ELMO1: variants seen among roughly 807,000 people sequenced by gnomAD.
ELMO1 encodes engulfment and cell motility 1.
ELMO1 carries 26 observed loss-of-function variants against 98.9 expected under a neutral mutation model. That is an observed-to-expected ratio of 0.26 (90% CI 0.19 to 0.36). The LOEUF is 0.36. Among genes scored for constraint, ELMO1 ranks in the 10% least tolerant of loss-of-function variants. The probability of loss-of-function intolerance (pLI) is 1.00; values close to 1 mark genes in which losing one functional copy is unlikely to be tolerated. For synonymous variants in ELMO1, 346 were observed against 346.0 expected (o/e 1.00, Z 0.00); for missense variants, 627 against 935.2 (o/e 0.67, Z 4.30).
intron 1 of ELMO1, among the ~76,000 whole-genome samples, chr7:37,403,556 A>G (rs778669180): frequency 7.0e-6 from 1 of 142,422 alleles, no homozygotes; most frequent in Non-Finnish European, 1.5e-5. Flanking sequence ...TTATTTATTT[A>G]TCTTTAAGAC....
intron 16 of ELMO1, among the ~76,000 whole-genome samples, chr7:36,923,764 T>A (rs965132336): frequency 6.6e-6 from 1 of 152,160 alleles, no homozygotes; most frequent in African/African-American, 2.4e-5. Context: ...AACTATAATA[T>A]ACTACAGGTA....
At chr7:37,006,784 A>G (rs1333546204) in intron 16 of ELMO1, among the ~76,000 whole-genome samples, 1 of 152,190 alleles carries the variant, frequency 6.6e-6, no homozygotes, top group East Asian at 1.9e-4. Context: ...TGCTTCCCTG[A>G]CTTGGCCAGG....
chr7:37,092,744 A>T (rs1784179416), intron 15 of ELMO1, among the ~76,000 whole-genome samples: 1 of 152,084 alleles, frequency 6.6e-6, no homozygotes, highest in Non-Finnish European at 1.5e-5. Flanking sequence ...AACTGCGTGC[A>T]GCACAGTTCC....
chr7:37,212,796 C>T (rs1285269405), intron 12 of ELMO1, among the ~76,000 whole-genome samples: 3 of 152,180 alleles, frequency 2.0e-5, no homozygotes, highest in Non-Finnish European at 4.4e-5. Context: ...CAGCAAAGGT[C>T]CCCAAAGCCT....
chr7:37,382,488 G>C (rs184571524), intron 1 of ELMO1, among the ~76,000 whole-genome samples: 22 of 152,204 alleles, frequency 1.4e-4, no homozygotes, highest in Admixed American at 1.2e-3. Context: ...GCAGAAACAG[G>C]ACATGCTCTT....
chr7:37,210,435 A>T (rs1184920510), intron 13 of ELMO1, among the ~76,000 whole-genome samples: 1 of 151,934 alleles, frequency 6.6e-6, no homozygotes, highest in African/African-American at 2.4e-5. Context: ...TAACACATAA[A>T]GCATGATACC....
chr7:37,363,704 G>A (rs913378464), intron 1 of ELMO1, among the ~76,000 whole-genome samples: 1 of 152,092 alleles, frequency 6.6e-6, no homozygotes, highest in African/African-American at 2.4e-5. Flanking sequence ...TTGCTAGAAG[G>A]GGAAAAATAA....
In ELMO1 at chr7:37,188,868, A is replaced by G. The variant is rs140666911; in HGVS notation, c.1086+22518T>C. On this transcript the variant is annotated intron_variant, in intron 13 of 21. Coordinates refer to ENST00000310758, the MANE Select transcript of ELMO1 (RefSeq NM_014800.11). ...ACTGAGCCTTCCATGAGGAGCTTCT[A>G]TGAGAATATGCAGTAAAGACAAGTT... is the stretch of plus-strand genomic sequence containing the variant. Among the ~76,000 whole-genome samples the G allele has an allele frequency of 7.1e-4, 108 of 152,306 alleles. 2 individuals are homozygous for G. In the East Asian group the frequency reaches 0.02, roughly 28 times the overall value.
intron 16 of ELMO1, among the ~76,000 whole-genome samples, chr7:36,940,082 G>A (rs1786900111): frequency 6.6e-6 from 1 of 152,212 alleles, no homozygotes; most frequent in Non-Finnish European, 1.5e-5. Context: ...GGCATATGTT[G>A]TTGCCATTCC....
chr7:36,996,153 T>C (rs994809492), intron 16 of ELMO1, among the ~76,000 whole-genome samples: 2 of 152,188 alleles, frequency 1.3e-5, no homozygotes, highest in Non-Finnish European at 2.9e-5. Flanking sequence ...TTCCTTTTCT[T>C]TTGGAAATAG....
At chr7:37,184,112 T>C (rs1791051397) in intron 13 of ELMO1, among the ~76,000 whole-genome samples, 2 of 152,130 alleles carry the variant, frequency 1.3e-5, no homozygotes, top group African/African-American at 4.8e-5. Context: ...AGAGCTGGAG[T>C]TGATTTTCTT....
At chr7:37,379,968 G>A (rs968390156) in intron 1 of ELMO1, among the ~76,000 whole-genome samples, 3 of 152,148 alleles carry the variant, frequency 2.0e-5, no homozygotes, top group Non-Finnish European at 2.9e-5. Flanking sequence ...CTAAAACTAT[G>A]CCCCAAAGTG....
intron 6 of ELMO1, among the ~76,000 whole-genome samples, chr7:37,246,556 AG>A (rs1795015821): frequency 6.6e-6 from 1 of 152,226 alleles, no homozygotes; most frequent in Non-Finnish European, 1.5e-5. Context: ...TTCCAGCCAA[AG>A]ACATACAATA....
chr7:37,225,221 T>C (rs1264633663), intron 8 of ELMO1, among the ~76,000 whole-genome samples, 191 bp from the exon 9 acceptor site: 2 of 152,184 alleles, frequency 1.3e-5, no homozygotes, highest in Non-Finnish European at 2.9e-5. Context: ...CAAAGCATGA[T>C]TTATCTCATC....
chr7:37,072,450 C>A (rs1797330576), intron 15 of ELMO1, among the ~76,000 whole-genome samples: 1 of 152,180 alleles, frequency 6.6e-6, no homozygotes, highest in Non-Finnish European at 1.5e-5. Context: ...GTTCATTAAA[C>A]CTCTTTCTTT....
At chr7:37,167,377 CATT>C (rs1414270191) in intron 13 of ELMO1, among the ~76,000 whole-genome samples, 1 of 152,066 alleles carries the variant, frequency 6.6e-6, no homozygotes, top group Non-Finnish European at 1.5e-5. Context: ...TTGATCCTGT[CATT>C]ATGATGTTAG....
chr7:37,257,753 A>G (rs188854842), intron 6 of ELMO1, among the ~76,000 whole-genome samples: 109 of 150,726 alleles, frequency 7.2e-4, no homozygotes, highest in Admixed American at 2.1e-3. Flanking sequence ...TGTAATCCCA[A>G]TATCTTGGGA....
chr7:37,426,175 A>G (rs1804699825), intron 1 of ELMO1, among the ~76,000 whole-genome samples: 2 of 91,948 alleles, frequency 2.2e-5, no homozygotes, highest in African/African-American at 8.3e-5. Context: ...TTTTACTGAG[A>G]TGGAGTCTCA....
chr7:37,292,000 C>G (rs201110189), intron 4 of ELMO1, among the ~76,000 whole-genome samples: 72,240 of 122,380 alleles, frequency 0.59, 22,175 homozygotes, highest in South Asian at 0.79. Context: ...GATGCCGAGC[C>G]GAAGCTGGAC....
Sources: gnomAD v4.1 joint callset for allele counts (sites outside exome capture counted in the v4.1 genomes callset) on GRCh38, gnomAD v4.1.1 for gene constraint, MANE v1.5 for transcripts, NCBI Gene and HGNC (gene_info 2026-07-23, HGNC 2026-07-21) for gene names.